KIF21A: variants seen among roughly 807,000 people sequenced by gnomAD.
The protein encoded by KIF21A is kinesin family member 21A, also known as kinesin-like protein KIF21A.
In KIF21A, 114 loss-of-function variants were observed where a neutral mutation model predicts 202.9. That is an observed-to-expected ratio of 0.56 (90% CI 0.48 to 0.66). The LOEUF (loss-of-function observed/expected upper bound fraction) is 0.66. Among genes scored for constraint, KIF21A ranks in the 30% least tolerant of loss-of-function variants. KIF21A has a pLI of 0.00. For synonymous variants in KIF21A, 667 were observed against 670.8 expected, an observed-to-expected ratio of 0.99 and a Z score of 0.09; for missense variants, 1,677 against 1,994.9, an observed-to-expected ratio of 0.84 and a Z score of 3.04.
intron 25 of KIF21A, 98 bp from the exon 26 acceptor site, chr12:39,325,991 C>T (rs1052322602): frequency 3.5e-6 from 3 of 848,876 alleles, no homozygotes; most frequent in Non-Finnish European, 1.9e-6. Flanking sequence ...ATTTATATGC[C>T]TATGGGAAAT....
intron 1 of KIF21A, among the ~76,000 whole-genome samples, chr12:39,407,438 T>C (rs1952685031): frequency 6.6e-6 from 1 of 152,206 alleles, no homozygotes; most frequent in African/African-American, 2.4e-5. Context: ...CCTTTGTCTC[T>C]ACTCATCCCT....
chr12:39,329,081 C>T (rs1279877162), intron 24 of KIF21A, among the ~76,000 whole-genome samples: 2 of 152,222 alleles, frequency 1.3e-5, no homozygotes, highest in African/African-American at 4.8e-5. Flanking sequence ...TGGAGAACAA[C>T]TAAATGATTT....
chr12:39,359,431 C>T (rs1949032266), intron 7 of KIF21A, among the ~76,000 whole-genome samples: 1 of 151,950 alleles, frequency 6.6e-6, no homozygotes, highest in African/African-American at 2.4e-5. Context: ...CTTTAGATTC[C>T]TAAAGGACAG....
intron 24 of KIF21A, among the ~76,000 whole-genome samples, chr12:39,328,373 T>C (rs1946164807): frequency 6.6e-6 from 1 of 152,144 alleles, no homozygotes; most frequent in African/African-American, 2.4e-5. Context: ...AAGAAAGCAC[T>C]CTGTGTGAAC....
At chr12:39,325,699 A>C in intron 26 of KIF21A, 140 bp downstream of exon 26, 1 of 654,392 alleles carries the variant, frequency 1.5e-6, no homozygotes, top group East Asian at 2.7e-5. Context: ...TATGATTAAA[A>C]AAACTAAATA....
rs1232994660 is a variant in KIF21A at position 39,337,113 on chromosome 12, C to T, written c.2401G>A (p.Asp801Asn). The change falls in exon 17 of 38, where the codon GAT becomes AAT. Residue 801 changes from aspartate to asparagine, a missense_variant. Transcript: ENST00000361418. Reference protein sequence around the residue: ...RNREIAQLKKDQRKRDHQLRL... With the variant: ...RNREIAQLKKNQRKRDHQLRL... Reference sequence around the variant, plus strand: ...CCACTTACATCTCTTTTACGTTGATCCTTTTTCAACTGAGCAATCTCTCTG... The same window carrying T: ...CCACTTACATCTCTTTTACGTTGATTCTTTTTCAACTGAGCAATCTCTCTG... 3 of 1,604,166 alleles carry T rather than the reference C, an allele frequency of 1.9e-6. No homozygotes were observed. In the East Asian group the frequency reaches 6.7e-5, roughly 36 times the overall value.
At chr12:39,407,592 A>C (rs1470325936) in intron 1 of KIF21A, among the ~76,000 whole-genome samples, 1 of 152,186 alleles carries the variant, frequency 6.6e-6, no homozygotes, top group Non-Finnish European at 1.5e-5. Flanking sequence ...CTGTGAGATA[A>C]ATACTATAAT....
chr12:39,353,641 T>C (rs2138732499), intron 10 of KIF21A, among the ~76,000 whole-genome samples: 1 of 152,304 alleles, frequency 6.6e-6, no homozygotes, highest in South Asian at 2.1e-4. Context: ...ATCTATATTT[T>C]AATTGTCTCC....
At chr12:39,431,798 C>T (rs1937951333) in intron 1 of KIF21A, among the ~76,000 whole-genome samples, 1 of 152,194 alleles carries the variant, frequency 6.6e-6, no homozygotes. Context: ...TCCAATTCCT[C>T]TCATGTAACA....
In KIF21A at chr12:39,443,078, C is replaced by A. The variant is rs1194108535; in HGVS notation, c.-108G>T. 2.5e-6 allele frequency: 3 copies of A among 1,179,166 alleles called. No individual in the cohort carries two copies. The highest frequency in any genetic ancestry group is 3.8e-5 in the Admixed American group (1 of 26,280). The allele number at this position is 1,179,166 out of a possible 1,614,324, so 73.0% of individuals were successfully genotyped here. On this transcript the variant is annotated 5_prime_UTR_variant, in exon 1 of 38. Coordinates refer to ENST00000361418, the MANE Select transcript of KIF21A (RefSeq NM_001173464.2). The stretch of plus-strand genomic sequence containing the variant: ...GTAGGCTGGGGCGTCTGCGGGCGGG[C>A]GGCCGGCTCACCTCCGCCGCGCTCC...
intron 1 of KIF21A, among the ~76,000 whole-genome samples, chr12:39,439,490 C>T (rs1320423308): frequency 6.6e-6 from 1 of 152,120 alleles, no homozygotes; most frequent in Non-Finnish European, 1.5e-5. Flanking sequence ...AAATTTTCAT[C>T]AGAAATACTT....
chr12:39,320,094 T>C, intron 27 of KIF21A, 81 bp from the exon 28 acceptor site: 1 of 756,202 alleles, frequency 1.3e-6, no homozygotes, highest in Non-Finnish European at 2.3e-6. Flanking sequence ...CTAAAATTTG[T>C]AATAGGTTAA....
intron 1 of KIF21A, among the ~76,000 whole-genome samples, chr12:39,395,642 G>A (rs1014717884): frequency 2.0e-5 from 3 of 152,026 alleles, no homozygotes; most frequent in Admixed American, 2.0e-4. Flanking sequence ...AGGAGTTGGA[G>A]ACTAGCCTGG....
rs1946648663 is a variant in KIF21A, at chr12:39,333,101, C to T, written c.2494G>A (p.Ala832Thr). The T allele has an allele frequency of 6.2e-7, 1 of 1,613,882 alleles. No individual in the cohort carries two copies. The highest frequency in any genetic ancestry group is 2.2e-5 in the East Asian group (1 of 44,882). ...ATGGGTCTTACTTGCCGACGAAGAG[C>T]CGTAACCTGAAATTGCAGCAAAGGT... ...VLRRKTEEVT[A>T]LRRQVRPMSD... The change falls in exon 19 of 38, where the codon GCT (alanine) becomes ACT (threonine). Residue 832 changes from alanine to threonine, a missense_variant. Ala to Thr is a moderately conservative substitution (Grantham distance 58, BLOSUM62 0). Coordinates refer to ENST00000361418, the MANE Select transcript of KIF21A (RefSeq NM_001173464.2).
At chr12:39,426,783 C>G (rs1000247553) in intron 1 of KIF21A, among the ~76,000 whole-genome samples, 1 of 149,414 alleles carries the variant, frequency 6.7e-6, no homozygotes, top group African/African-American at 2.5e-5. Context: ...ACTTGGGAGG[C>G]TGAGGCACAA....
chr12:39,323,573 A>T (rs1468561603), intron 26 of KIF21A, among the ~76,000 whole-genome samples: 2 of 152,098 alleles, frequency 1.3e-5, no homozygotes, highest in Non-Finnish European at 2.9e-5. Flanking sequence ...TAGAATCTAA[A>T]CTCACTATAA....
At chr12:39,354,115 T>C (rs1320272372) in intron 10 of KIF21A, among the ~76,000 whole-genome samples, 2 of 152,148 alleles carry the variant, frequency 1.3e-5, no homozygotes, top group Non-Finnish European at 1.5e-5. Flanking sequence ...GAATCAATGA[T>C]AAAATGAATT....
intron 1 of KIF21A, among the ~76,000 whole-genome samples, chr12:39,427,839 A>T (rs1954885410): frequency 6.6e-6 from 1 of 152,052 alleles, no homozygotes; most frequent in Non-Finnish European, 1.5e-5. Flanking sequence ...TTGTATTGTT[A>T]ATAGAGATGG....
At chr12:39,435,535 C>T (rs1018745974) in intron 1 of KIF21A, among the ~76,000 whole-genome samples, 1 of 152,120 alleles carries the variant, frequency 6.6e-6, no homozygotes, top group African/African-American at 2.4e-5. Context: ...GTATTTCCTT[C>T]TGAAATGGGT....
Sources: gnomAD v4.1 joint callset for allele counts (sites outside exome capture counted in the v4.1 genomes callset) on GRCh38, gnomAD v4.1.1 for gene constraint, MANE v1.5 for transcripts, NCBI Gene and HGNC (gene_info 2026-07-23, HGNC 2026-07-21) for gene names.